Variants in MECR observed in about 807,000 individuals in gnomAD.
MECR encodes enoyl-[acyl-carrier-protein] reductase, mitochondrial.
MECR carries 37 observed loss-of-function variants against 49.1 expected under a neutral mutation model. The ratio of observed to expected loss-of-function variants is 0.75; its 90% CI spans 0.58 to 0.99. The LOEUF (loss-of-function observed/expected upper bound fraction) is 0.99. Among genes scored for constraint, MECR ranks in the 50% least tolerant of loss-of-function variants. The probability of loss-of-function intolerance (pLI) is 0.00; values close to 1 mark genes in which losing one functional copy is unlikely to be tolerated. For synonymous variants in MECR, 198 were observed against 191.1 expected (o/e 1.04, Z -0.30); for missense variants, 470 against 479.6 (o/e 0.98, Z 0.19).
chr1:29,190,796 A>C (rs1673105980), downstream of MECR, among the ~76,000 whole-genome samples: 2 of 149,844 alleles, frequency 1.3e-5, no homozygotes, highest in Non-Finnish European at 3.0e-5. Context: ...CATCTCTCCA[A>C]ATAAAAAAAA....
rs2151838293 is a variant in MECR, at chr1:29,193,875, C to T, written c.*147G>A. 1.1e-6 allele frequency: 1 copy of T among 948,926 alleles called. No individual in the cohort carries two copies. Among genetic ancestry groups the T allele is most frequent in the East Asian group, 2.5e-5 (1 of 40,554 alleles). 58.8% of individuals were successfully genotyped at this position (948,926 alleles called of 1,614,324 possible). A position where few individuals can be genotyped will look rare whatever the true frequency, so the allele number is the denominator to read the frequency against. On this transcript the variant is annotated 3_prime_UTR_variant, in exon 10 of 10. Coordinates refer to ENST00000263702, the MANE Select transcript of MECR (RefSeq NM_016011.5). ...ACCTTAAGGCTGGCCCTGGGGAAAACCGTGGCTGGCTTCACCATCCTCCTA... is the reference window on the plus strand; with the variant it reads ...ACCTTAAGGCTGGCCCTGGGGAAAATCGTGGCTGGCTTCACCATCCTCCTA...
Position 29,201,332 on chromosome 1 carries a change from C to T in MECR, c.756+611G>A, listed in dbSNP as rs1675267768. 1 of 519,250 alleles carries T rather than the reference C, an allele frequency of 1.9e-6. No homozygotes were observed. Among genetic ancestry groups the T allele is most frequent in the Non-Finnish European group, 3.9e-6 (1 of 255,862 alleles). The allele number at this position is 519,250 out of a possible 1,614,324, so 32.2% of individuals were successfully genotyped here. ...CTTGAGTGTGTGTCTTTGGTTCCTC[C>T]AGATGGTTCAGTGAAAAGGGGCTGA... On this transcript the variant is annotated intron_variant, in intron 6 of 9. Coordinates refer to ENST00000263702, the MANE Select transcript of MECR (RefSeq NM_016011.5). The surrounding 1 kb of genome is among the most constrained non-coding windows in gnomAD (Gnocchi z 4.3).
the MECR span, among the ~76,000 whole-genome samples, chr1:29,174,205 G>T: frequency 4.0e-4 from 3 of 7,480 alleles, no homozygotes; most frequent in East Asian, 0.02. Context: ...AAAAAAAAAA[G>T]AAAAAAGAAA....
downstream of MECR, among the ~76,000 whole-genome samples, chr1:29,190,046 T>C (rs1466745519): frequency 1.3e-5 from 2 of 152,200 alleles, no homozygotes; most frequent in Non-Finnish European, 2.9e-5. Context: ...TTGGGGATTC[T>C]GGGTGTCAGG....
intron 3 of MECR, among the ~76,000 whole-genome samples, chr1:29,207,427 GAC>G (rs1170643867): frequency 1.3e-5 from 2 of 151,980 alleles, no homozygotes; most frequent in East Asian, 1.9e-4. Flanking sequence ...GCCCAAAATA[GAC>G]AGTCATTCTT....
chr1:29,196,821 T>C (rs910998542), intron 7 of MECR, among the ~76,000 whole-genome samples: 4 of 151,458 alleles, frequency 2.6e-5, no homozygotes, highest in Admixed American at 6.6e-5. Flanking sequence ...CTGGGCAACA[T>C]AGTGAGACCC....
intron 2 of MECR, 28 bp from the exon 3 acceptor site, chr1:29,216,164 AC>A (rs1295992904): frequency 1.9e-6 from 3 of 1,612,506 alleles, no homozygotes; most frequent in Non-Finnish European, 2.5e-6. Context: ...TAAAGGGTCA[AC>A]CAGTGATGTT....
In MECR at chr1:29,230,764, T is replaced by C. The variant is rs768742328; in HGVS notation, c.143A>G (p.Tyr48Cys). The change falls in exon 1 of 10, where the codon TAT becomes TGT. Residue 48 changes from tyrosine (Y) to cysteine (C), a missense_variant. Tyr to Cys is a radical substitution (Grantham distance 194, BLOSUM62 -2). Transcript: ENST00000263702. ...AEPARVRALV[Y>C]GHHGDPAKVV... ...CTTGGCTGGATCCCCGTGGTGCCCA[T>C]AGACAAGCGCCCGGACCCGGGCAGG... is the stretch of plus-strand genomic sequence containing the variant. The C allele has an allele frequency of 3.5e-5, 56 of 1,595,742 alleles. No individual in the cohort carries two copies. Among genetic ancestry groups the C allele is most frequent in the Non-Finnish European group, 4.4e-5 (51 of 1,171,808 alleles).
chr1:29,219,771 C>T (rs149365243), intron 1 of MECR, among the ~76,000 whole-genome samples: 15 of 152,282 alleles, frequency 9.9e-5, no homozygotes, highest in Non-Finnish European at 2.1e-4. Flanking sequence ...TAGGAATACT[C>T]AGGCTAAGTG....
the MECR span, among the ~76,000 whole-genome samples, chr1:29,179,513 C>A: frequency 6.6e-6 from 1 of 152,078 alleles, no homozygotes; most frequent in Non-Finnish European, 1.5e-5. Context: ...GCGAGTGTCA[C>A]CACGCGTGGC....
At chr1:29,208,909 G>A (rs1474166280) in intron 3 of MECR, among the ~76,000 whole-genome samples, 1 of 152,230 alleles carries the variant, frequency 6.6e-6, no homozygotes, top group Admixed American at 6.5e-5. Flanking sequence ...GACAGGCTAA[G>A]AGTGAAAGGA....
chr1:29,219,263 T>C (rs959177524), intron 1 of MECR, among the ~76,000 whole-genome samples: 1 of 152,256 alleles, frequency 6.6e-6, no homozygotes, highest in East Asian at 1.9e-4. Context: ...CCCTTTGTAT[T>C]ATCCACAGTG....
the MECR span, among the ~76,000 whole-genome samples, chr1:29,187,213 C>T: frequency 6.6e-6 from 1 of 152,058 alleles, no homozygotes; most frequent in Non-Finnish European, 1.5e-5. Context: ...AACGCAAGAG[C>T]TTTTCTCTTT....
intron 3 of MECR, among the ~76,000 whole-genome samples, chr1:29,212,543 C>G (rs1678277632): frequency 6.6e-6 from 1 of 152,190 alleles, no homozygotes; most frequent in South Asian, 2.1e-4. Context: ...GTTCTCTTCT[C>G]CAAACTGAAA....
At chr1:29,198,440 C>A (rs1674533028) in intron 7 of MECR, among the ~76,000 whole-genome samples, 1 of 152,256 alleles carries the variant, frequency 6.6e-6, no homozygotes, top group Non-Finnish European at 1.5e-5. Context: ...ATTCTGGCTC[C>A]AGTGCCTACA....
chr1:29,212,646 T>G (rs1000545563), intron 3 of MECR, among the ~76,000 whole-genome samples: 1 of 152,216 alleles, frequency 6.6e-6, no homozygotes, highest in African/African-American at 2.4e-5. Flanking sequence ...CACTTCATCA[T>G]CTGAAGCCTG....
intron 3 of MECR, among the ~76,000 whole-genome samples, chr1:29,208,684 G>A (rs546781318): frequency 4.6e-5 from 7 of 152,292 alleles, no homozygotes; most frequent in African/African-American, 1.7e-4. Flanking sequence ...GGCAGAGTTG[G>A]AGCTGGAACC....
chr1:29,192,782 A>C lies in MECR; in HGVS notation c.*1240T>G, dbSNP rs975545333. 6.6e-6 allele frequency: 1 copy of C among 152,130 alleles called. No individual in the cohort carries two copies. The highest frequency in any genetic ancestry group is 1.5e-5 in the Non-Finnish European group (1 of 68,018). 9.4% of individuals were successfully genotyped at this position (152,130 alleles called of 1,614,324 possible). A position where few individuals can be genotyped will look rare whatever the true frequency, so the allele number is the denominator to read the frequency against. On this transcript the variant is annotated 3_prime_UTR_variant, in exon 10 of 10. Transcript: ENST00000263702. ...GAGCCCACCTTCAAACTTCACCTCA[A>C]GGAAGCATACCCCTGTCCCTGGGGC...
chr1:29,178,112 C>A, the MECR span, among the ~76,000 whole-genome samples: 1 of 151,892 alleles, frequency 6.6e-6, no homozygotes, highest in African/African-American at 2.4e-5. Flanking sequence ...GTTGGCCAGG[C>A]TGGTCTCAAA....
Sources: gnomAD v4.1 joint callset for allele counts (sites outside exome capture counted in the v4.1 genomes callset) on GRCh38, gnomAD v4.1.1 for gene constraint, Gnocchi (gnomAD v3.1) non-coding constraint, MANE v1.5 for transcripts, NCBI Gene and HGNC (gene_info 2026-07-23, HGNC 2026-07-21) for gene names.